Variants in CLIP3 observed in about 807,000 individuals in gnomAD.
CLIP3 encodes the protein CAP-Gly domain containing linker protein 3, also known as CAP-Gly domain-containing linker protein 3.
A neutral mutation model predicts 59.4 loss-of-function variants in CLIP3; 15 were observed. That is an observed-to-expected ratio of 0.25 (90% CI 0.17 to 0.39). CLIP3 has a LOEUF of 0.39. Among genes scored for constraint, CLIP3 ranks in the 10% least tolerant of loss-of-function variants. The pLI, the probability that CLIP3 is intolerant of heterozygous loss-of-function variation, is 1.00. For missense variants in CLIP3, 495 were observed against 765.7 expected, an observed-to-expected ratio of 0.65 and a Z score of 4.17; for synonymous variants, 300 against 321.6, an observed-to-expected ratio of 0.93 and a Z score of 0.72.
chr19:36,032,184 G>T lies in CLIP3; in HGVS notation c.166+8C>A. ...CAGGCCAGATTCCAGGGTGGGGACA[G>T]TGGTTACCGTAGTCCTTAGGGAGGG... On this transcript the variant is annotated splice_region_variant and intron_variant, in intron 2 of 13. Transcript: ENST00000360535. This position sits in a 1 kb window ranked among gnomAD's most constrained non-coding sequence, Gnocchi z 4.3. 1 of 1,259,876 alleles carries T rather than the reference G, an allele frequency of 7.9e-7. No homozygotes were observed. The highest frequency in any genetic ancestry group is 3.6e-5 in the South Asian group (1 of 28,042). 78.0% of individuals were successfully genotyped at this position (1,259,876 alleles called of 1,614,324 possible). A position where few individuals can be genotyped will look rare whatever the true frequency, so the allele number is the denominator to read the frequency against.
intron 7 of CLIP3, among the ~76,000 whole-genome samples, chr19:36,023,252 A>G (rs955124995): frequency 6.6e-6 from 1 of 152,002 alleles, no homozygotes; most frequent in Non-Finnish European, 1.5e-5. Context: ...CACAAAAACA[A>G]AATTCAAACT....
In CLIP3 at chr19:36,032,396, G is replaced by A; in HGVS notation, c.-39C>T. On this transcript the variant is annotated 5_prime_UTR_variant, in exon 2 of 14. Transcript: ENST00000360535. This position sits in a 1 kb window ranked among gnomAD's most constrained non-coding sequence, Gnocchi z 4.3. ...CCTCGGGGGGCGGGTGCAGAGTTGG[G>A]GGCAGCCTTCAGGCAAATCCTGGAG... The A allele has an allele frequency of 9.0e-7, 1 of 1,116,386 alleles. No individual in the cohort carries two copies. Among genetic ancestry groups the A allele is most frequent in the Non-Finnish European group, 1.1e-6 (1 of 869,744 alleles). 69.2% of individuals were successfully genotyped at this position (1,116,386 alleles called of 1,614,324 possible).
In CLIP3 at chr19:36,017,885, C is replaced by A. The variant is rs1487410711; in HGVS notation, c.1290G>T (p.Gly430=). Reference sequence around the variant, plus strand: ...CTGTCTTCCCGTAGAAGCGCACGATCCCCTGCTTCTGGCCCGCGACAAGGA... The same window carrying A: ...CTGTCTTCCCGTAGAAGCGCACGATACCCTGCTTCTGGCCCGCGACAAGGA... ...DQVLVAGQKQ[G]IVRFYGKTDF... The change falls in exon 10 of 14, where the codon GGG becomes GGT. Residue 430 remains glycine (G), a synonymous_variant. Coordinates refer to ENST00000360535, the MANE Select transcript of CLIP3 (RefSeq NM_015526.3). 2.5e-6 allele frequency: 4 copies of A among 1,614,044 alleles called. No individual in the cohort carries two copies. The highest frequency in any genetic ancestry group is 1.3e-5 in the African/African-American group (1 of 74,908).
At chr19:36,017,537 A>G (rs563988445) in intron 11 of CLIP3, 87 bp from the exon 12 acceptor site, 2 of 1,600,632 alleles carry the variant, frequency 1.2e-6, no homozygotes, top group Admixed American at 3.4e-5. Context: ...CTATGAGGAA[A>G]GGGCTGGGGG....
At chr19:36,022,781 C>T (rs1471066134) in intron 7 of CLIP3, among the ~76,000 whole-genome samples, 2 of 152,072 alleles carry the variant, frequency 1.3e-5, no homozygotes, top group East Asian at 1.9e-4. Context: ...AAAGGCCAGG[C>T]GCGGTGGCTC....
chr19:36,018,049 C>G, intron 9 of CLIP3, 58 bp from the exon 10 acceptor site: 1 of 1,595,150 alleles, frequency 6.3e-7, no homozygotes, highest in Non-Finnish European at 8.6e-7. Flanking sequence ...TTGGGAACCT[C>G]GTGCCACCTG....
At chr19:36,021,767 C>T (rs966333193) in intron 7 of CLIP3, among the ~76,000 whole-genome samples, 9 of 152,092 alleles carry the variant, frequency 5.9e-5, no homozygotes, top group African/African-American at 2.2e-4. Context: ...TGCAGTGAGA[C>T]TTTAGTGAGT....
At chr19:36,020,331 G>A (rs907495433) in intron 7 of CLIP3, among the ~76,000 whole-genome samples, 1 of 151,374 alleles carries the variant, frequency 6.6e-6, no homozygotes, top group Non-Finnish European at 1.5e-5. Flanking sequence ...GTCCGGGCGC[G>A]GTGGCTCACA....
chr19:36,018,656 G>A (rs1053206148), intron 9 of CLIP3, among the ~76,000 whole-genome samples: 1 of 152,104 alleles, frequency 6.6e-6, no homozygotes, highest in Non-Finnish European at 1.5e-5. Context: ...TAAAACTGGG[G>A]GAGACCTTTG....
intron 6 of CLIP3, 67 bp from the exon 7 acceptor site, chr19:36,024,699 C>A (rs1480717247): frequency 7.0e-7 from 1 of 1,438,370 alleles, no homozygotes; most frequent in South Asian, 1.2e-5. Flanking sequence ...GGAGGCCCTG[C>A]CCCTAGAGAC....
Position 36,032,246 on chromosome 19 carries a change from G to C in CLIP3, c.112C>G (p.Arg38Gly). 7.7e-7 allele frequency: 1 copy of C among 1,305,310 alleles called. No homozygotes were observed. The allele number at this position is 1,305,310 out of a possible 1,614,324, so 80.9% of individuals were successfully genotyped here. ...PEAPSPTQER[R>G]QKPVVHPSAP... Reference sequence around the variant, plus strand: ...GAGGGGTGCACAACAGGCTTCTGCCGGCGCTCCTGGGTGGGGCTGGGGGCC... The same window carrying C: ...GAGGGGTGCACAACAGGCTTCTGCCCGCGCTCCTGGGTGGGGCTGGGGGCC... Residue 38 changes from arginine (R) to glycine (G), a missense_variant, in exon 2 of 14, where the codon CGG becomes GGG. Physicochemically the swap from Arg to Gly is moderately radical, Grantham distance 125. Coordinates refer to ENST00000360535, the MANE Select transcript of CLIP3 (RefSeq NM_015526.3). The surrounding 1 kb of genome is among the most constrained non-coding windows in gnomAD (Gnocchi z 4.3).
Position 36,016,796 on chromosome 19 carries a change from TA to T in CLIP3, c.1589+110del. On this transcript the variant is annotated intron_variant, in intron 13 of 13. Coordinates refer to ENST00000360535, the MANE Select transcript of CLIP3 (RefSeq NM_015526.3). This position sits in a 1 kb window ranked among gnomAD's most constrained non-coding sequence, Gnocchi z 4.1. ...TATGCTTACAAGTCACAAGTTTTCC[TA>T]ACCTCTCTTTCCAGCCCTGACCAGA... The T allele has an allele frequency of 8.6e-7, 1 of 1,160,850 alleles. No homozygotes were observed. The highest frequency in any genetic ancestry group is 1.3e-6 in the Non-Finnish European group (1 of 796,812). The allele number at this position is 1,160,850 out of a possible 1,614,324, so 71.9% of individuals were successfully genotyped here.
intron 6 of CLIP3, among the ~76,000 whole-genome samples, chr19:36,025,052 C>T (rs1373494153): frequency 4.1e-5 from 6 of 147,888 alleles, no homozygotes; most frequent in Admixed American, 2.0e-4. Flanking sequence ...GGTGACAGAG[C>T]GAGACTCCGT....
At chr19:36,031,290 T>C (rs959639683) in intron 2 of CLIP3, among the ~76,000 whole-genome samples, 2 of 152,174 alleles carry the variant, frequency 1.3e-5, no homozygotes, top group African/African-American at 4.8e-5. Context: ...GTGCTGGGAT[T>C]ACAGGCGTGA....
chr19:36,026,759 G>A lies in CLIP3; in HGVS notation c.401-12C>T. ...TGCCGCGGGGTCCCCTGCGCGATAGGCCGGGTCAGCTTGGAACCCCCATTC... is the reference window on the plus strand; with the variant it reads ...TGCCGCGGGGTCCCCTGCGCGATAGACCGGGTCAGCTTGGAACCCCCATTC... On this transcript the variant is annotated splice_polypyrimidine_tract_variant and intron_variant, in intron 4 of 13. Coordinates refer to ENST00000360535, the MANE Select transcript of CLIP3 (RefSeq NM_015526.3). The surrounding 1 kb of genome is among the most constrained non-coding windows in gnomAD (Gnocchi z 6.3). 6.3e-7 allele frequency: 1 copy of A among 1,588,444 alleles called. No homozygotes were observed.
Position 36,032,124 on chromosome 19 carries a change from G to T in CLIP3, c.166+68C>A. On this transcript the variant is annotated intron_variant, in intron 2 of 13. Transcript: ENST00000360535. This position sits in a 1 kb window ranked among gnomAD's most constrained non-coding sequence, Gnocchi z 4.3. The stretch of plus-strand genomic sequence containing the variant: ...AATTCTCCCACCATCACCACCAGCA[G>T]AGCACAGCCCACCCTCCCCGGCCAC... 1.1e-6 allele frequency: 1 copy of T among 896,124 alleles called. No homozygotes were observed. The highest frequency in any genetic ancestry group is 1.5e-6 in the Non-Finnish European group (1 of 666,536). 55.5% of individuals were successfully genotyped at this position (896,124 alleles called of 1,614,324 possible). A position where few individuals can be genotyped will look rare whatever the true frequency, so the allele number is the denominator to read the frequency against.
At chr19:36,017,353 A>G (rs1163555424) in intron 12 of CLIP3, 33 bp downstream of exon 12, 1 of 1,606,222 alleles carries the variant, frequency 6.2e-7, no homozygotes, top group Non-Finnish European at 8.5e-7. Context: ...CCCCAAACGT[A>G]CACTCCTCCC....
chr19:36,020,119 G>A (rs1036712287), intron 7 of CLIP3, among the ~76,000 whole-genome samples: 1 of 152,034 alleles, frequency 6.6e-6, no homozygotes, highest in African/African-American at 2.4e-5. Flanking sequence ...AGGTGCAGTA[G>A]CTCAAGCCTG....
chr19:36,031,690 T>C (rs1969271591), intron 2 of CLIP3, among the ~76,000 whole-genome samples: 1 of 152,252 alleles, frequency 6.6e-6, no homozygotes, highest in Non-Finnish European at 1.5e-5. Context: ...GGAAACAATG[T>C]CTTAAAAAAC....
Sources: allele counts gnomAD v4.1 joint callset (sites outside exome capture counted in the v4.1 genomes callset), GRCh38; gene constraint gnomAD v4.1.1; non-coding constraint Gnocchi (gnomAD v3.1); transcripts MANE v1.5; gene names NCBI Gene and HGNC (gene_info 2026-07-23, HGNC 2026-07-21).